The following HNF1A variants were observed in gnomAD, a reference collection of about 807,000 sequenced individuals.
HNF1A encodes the protein HNF1 homeobox A, also known as hepatocyte nuclear factor 1-alpha.
HNF1A carries 21 observed loss-of-function variants against 62.2 expected under a neutral mutation model. The observed-to-expected ratio is 0.34, with a 90% CI of 0.24 to 0.49. The LOEUF is 0.49. Ranked by LOEUF, HNF1A falls within the 20% of genes least tolerant of loss-of-function variation. The pLI, the probability that HNF1A is intolerant of heterozygous loss-of-function variation, is 0.99. For synonymous variants in HNF1A, 374 were observed against 366.8 expected (o/e 1.02, Z -0.22); for missense variants, 687 against 832.3 (o/e 0.83, Z 2.15).
At chr12:120,995,615 A>T (rs1877057753) in intron 4 of HNF1A, among the ~76,000 whole-genome samples, 1 of 147,630 alleles carries the variant, frequency 6.8e-6, no homozygotes, top group Non-Finnish European at 1.5e-5. Flanking sequence ...CACTCACTCC[A>T]CTCCATACCA....
rs368183052 is a variant in HNF1A at position 121,001,216 on chromosome 12, C to G, written c.*24C>G. 1.9e-6 allele frequency: 3 copies of G among 1,613,094 alleles called. No individual in the cohort carries two copies. The highest frequency in any genetic ancestry group is 3.3e-5 in the Admixed American group (2 of 59,980). On this transcript the variant is annotated 3_prime_UTR_variant, in exon 10 of 10. Transcript: ENST00000257555. ...AACCACGGCACCTGGGCCCTGGGGC[C>G]TGTACTGCCTGCTTGGGGGGTGATG...
chr12:120,999,982 T>C (rs1258448933), intron 9 of HNF1A, among the ~76,000 whole-genome samples: 1 of 152,258 alleles, frequency 6.6e-6, no homozygotes, highest in Non-Finnish European at 1.5e-5. Flanking sequence ...TGAACATTCT[T>C]TGAATTTGTT....
intron 1 of HNF1A, chr12:120,979,726 G>C (rs958329043): frequency 1.4e-5 from 2 of 139,272 alleles, no homozygotes; most frequent in Admixed American, 7.3e-5. Flanking sequence ...ATCCCCATCC[G>C]CTGGCGGACT....
chr12:120,998,314 G>A (rs1028399614), intron 7 of HNF1A: 1 of 160,380 alleles, frequency 6.2e-6, no homozygotes, highest in African/African-American at 2.4e-5. Context: ...AAGTAATTTG[G>A]TGGATATGCC....
intron 3 of HNF1A, 114 bp downstream of exon 3, chr12:120,993,820 A>T (rs1876947012): frequency 8.9e-7 from 1 of 1,126,730 alleles, no homozygotes; most frequent in Admixed American, 2.1e-5. Flanking sequence ...AGAACTCCTG[A>T]TATTGGCTTA....
intron 2 of HNF1A, among the ~76,000 whole-genome samples, chr12:120,991,040 ATTTG>A (rs773418195): frequency 6.6e-6 from 1 of 152,134 alleles, no homozygotes; most frequent in Non-Finnish European, 1.5e-5. Context: ...GCTGGCTGTT[ATTTG>A]TTTAACTGGC....
At chr12:120,981,806 A>G (rs1876261980) in intron 1 of HNF1A, among the ~76,000 whole-genome samples, 1 of 152,206 alleles carries the variant, frequency 6.6e-6, no homozygotes, top group South Asian at 2.1e-4. Context: ...CTGCCATGAA[A>G]ATAGAAGCTC....
chr12:120,983,838 G>C (rs555388261), intron 1 of HNF1A, among the ~76,000 whole-genome samples: 1 of 151,830 alleles, frequency 6.6e-6, no homozygotes, highest in Non-Finnish European at 1.5e-5. Context: ...GAGCCACCAC[G>C]CCCAGCCTTG....
At position 120,998,944 on chromosome 12, in the gene HNF1A, C is replaced by T. The variant is rs1276837987; in HGVS notation, c.1502-324C>T. ...GCACCTGCGCTTAGTACGTAGCACC[C>T]GTGCTTAGTACAGTAGCCCTGCACC... On this transcript the variant is annotated intron_variant, in intron 7 of 9. Transcript: ENST00000257555. Among the ~76,000 whole-genome samples the T allele has an allele frequency of 7.2e-5, 11 of 152,228 alleles. No individual in the cohort carries two copies. In the East Asian group the frequency reaches 1.9e-3, roughly 27 times the overall value.
In HNF1A at chr12:121,001,140, A is replaced by G; in HGVS notation, c.1844A>G (p.His615Arg). Residue 615 changes from histidine to arginine, a missense_variant, in exon 10 of 10, where the codon CAC becomes CGC. Coordinates refer to ENST00000257555, the MANE Select transcript of HNF1A (RefSeq NM_000545.8). ...CAGAGCCACCTGCTGCCATCCAACC[A>G]CAGCGTCATCGAGACCTTCATCTCC... is the stretch of plus-strand genomic sequence containing the variant. Reference protein sequence around the residue: ...NGQSHLLPSNHSVIETFISTQ... With the variant: ...NGQSHLLPSNRSVIETFISTQ... 1 of 1,614,098 alleles carries G rather than the reference A, an allele frequency of 6.2e-7. No homozygotes were observed. The highest frequency in any genetic ancestry group is 8.5e-7 in the Non-Finnish European group (1 of 1,180,008).
chr12:121,001,655 C>A lies in HNF1A; in HGVS notation c.*463C>A. ...GGATCAGCGTGGCCTTGTTCTGTCA[C>A]CAATGTACCCACCGGGCCACTCCTT... On this transcript the variant is annotated 3_prime_UTR_variant, in exon 10 of 10. Coordinates refer to ENST00000257555, the MANE Select transcript of HNF1A (RefSeq NM_000545.8). 2.2e-6 allele frequency: 1 copy of A among 456,370 alleles called. No homozygotes were observed. The highest frequency in any genetic ancestry group is 1.9e-5 in the South Asian group (1 of 51,586). 28.3% of individuals were successfully genotyped at this position (456,370 alleles called of 1,614,324 possible). A position where few individuals can be genotyped will look rare whatever the true frequency, so the allele number is the denominator to read the frequency against.
At chr12:120,988,348 C>A (rs1876629899) in intron 1 of HNF1A, among the ~76,000 whole-genome samples, 1 of 151,874 alleles carries the variant, frequency 6.6e-6, no homozygotes. Context: ...TCCATCCACT[C>A]TACCCTACCA....
intron 9 of HNF1A, 85 bp from the exon 10 acceptor site, chr12:121,000,980 C>T: frequency 6.3e-7 from 1 of 1,577,734 alleles, no homozygotes; most frequent in African/African-American, 1.3e-5. Flanking sequence ...GCCCTGCCTC[C>T]CCATCCTGAG....
At chr12:120,990,643 G>A (rs56325901) in intron 2 of HNF1A, among the ~76,000 whole-genome samples, 70 of 99,588 alleles carry the variant, frequency 7.0e-4, no homozygotes, top group South Asian at 1.8e-3. Flanking sequence ...GATAGGAAAG[G>A]GAGGAAAGGT....
intron 1 of HNF1A, among the ~76,000 whole-genome samples, chr12:120,987,200 C>T (rs553094949): frequency 1.3e-5 from 2 of 152,142 alleles, no homozygotes; most frequent in East Asian, 1.9e-4. Flanking sequence ...CGCGGCCGGG[C>T]GCGGTGGCTC....
intron 7 of HNF1A, chr12:120,998,098 G>A (rs898132560): frequency 8.1e-5 from 30 of 370,872 alleles, no homozygotes; most frequent in Admixed American, 5.8e-4. Context: ...TGGCCAACAC[G>A]GTGAAACCCC....
chr12:121,002,214 C>T lies in HNF1A; in HGVS notation c.*1022C>T, dbSNP rs555908576. 1 of 450,214 alleles carries T rather than the reference C, an allele frequency of 2.2e-6. No homozygotes were observed. Among genetic ancestry groups the T allele is most frequent in the African/African-American group, 2.0e-5 (1 of 51,084 alleles). 27.9% of individuals were successfully genotyped at this position (450,214 alleles called of 1,614,324 possible). Reference sequence around the variant, plus strand: ...AGGGCACAGGAGCTACCTGTGTGGACAGGACTAACACTCAGAAGCCTGGGG... The same window carrying T: ...AGGGCACAGGAGCTACCTGTGTGGATAGGACTAACACTCAGAAGCCTGGGG... On this transcript the variant is annotated 3_prime_UTR_variant, in exon 10 of 10. Coordinates refer to ENST00000257555, the MANE Select transcript of HNF1A (RefSeq NM_000545.8).
In HNF1A at chr12:120,979,185, A is replaced by G. The variant is rs2244608; in HGVS notation, c.326+91A>G. 391,549 of 1,161,610 alleles carry G rather than the reference A, an allele frequency of 0.34. 69,227 individuals are homozygous for G. Among genetic ancestry groups the G allele is most frequent in the Middle Eastern group, 0.48 (1,816 of 3,778 alleles). 72.0% of individuals were successfully genotyped at this position (1,161,610 alleles called of 1,614,324 possible). Reference sequence around the variant, plus strand: ...AGCCCCCCTTCTGAGTTGAGTCCCCATGACCTTCAGCCTTTAGCCTAGTTG... The same window carrying G: ...AGCCCCCCTTCTGAGTTGAGTCCCCGTGACCTTCAGCCTTTAGCCTAGTTG... On this transcript the variant is annotated intron_variant, in intron 1 of 9. Transcript: ENST00000257555.
intron 1 of HNF1A, among the ~76,000 whole-genome samples, chr12:120,979,451 T>TC (rs1876138100): frequency 6.6e-6 from 1 of 152,160 alleles, no homozygotes; most frequent in Non-Finnish European, 1.5e-5. Context: ...ACTCTGATCA[T>TC]TTATACTCTC....
Sources: gnomAD v4.1 joint callset for allele counts (sites outside exome capture counted in the v4.1 genomes callset) on GRCh38, gnomAD v4.1.1 for gene constraint, MANE v1.5 for transcripts, NCBI Gene and HGNC (gene_info 2026-07-23, HGNC 2026-07-21) for gene names.